The following DDX47 variants were observed in gnomAD, a reference collection of about 807,000 sequenced individuals.
The protein encoded by DDX47 is DEAD-box helicase 47.
DDX47 carries 60 observed loss-of-function variants against 58.8 expected under a neutral mutation model. The observed-to-expected ratio is 1.02, with a 90% CI of 0.83 to 1.26. DDX47 has a LOEUF of 1.26. Among genes scored for constraint, DDX47 ranks in the 50% most tolerant of loss-of-function variants. The pLI is 0.00. For synonymous variants in DDX47, 197 were observed against 204.6 expected, an observed-to-expected ratio of 0.96 and a Z score of 0.32; for missense variants, 530 against 573.2, an observed-to-expected ratio of 0.92 and a Z score of 0.77.
chr12:12,821,919 G>A (rs200830048), intron 4 of DDX47, 46 bp from the exon 5 acceptor site: 17 of 1,189,342 alleles, frequency 1.4e-5, no homozygotes, highest in African/African-American at 1.4e-4. Flanking sequence ...TTTTTTTTTT[G>A]TCCTGTTCTG....
At chr12:12,819,519 G>T (rs971567386) in intron 2 of DDX47, among the ~76,000 whole-genome samples, 1 of 152,090 alleles carries the variant, frequency 6.6e-6, no homozygotes, top group Non-Finnish European at 1.5e-5. Flanking sequence ...TCCCATGTCT[G>T]TTCTAACCCC....
chr12:12,827,291 G>A lies in DDX47; in HGVS notation c.1152G>A (p.Lys384=), dbSNP rs752112646. ...AGCGCATAGAACACTTAATTGGGAA[G>A]AAACTACCAGGTTTTCCAACACAGG... The part of the protein sequence containing the change: ...LFQRIEHLIG[K]KLPGFPTQDD... The change falls in exon 11 of 12, where the codon AAG becomes AAA. Residue 384 remains lysine, a synonymous_variant. Transcript: ENST00000358007. The A allele has an allele frequency of 1.2e-6, 2 of 1,614,192 alleles. No individual in the cohort carries two copies. Among genetic ancestry groups the A allele is most frequent in the Non-Finnish European group, 1.7e-6 (2 of 1,180,040 alleles).
At chr12:12,825,564 T>A (rs1283458137) in intron 9 of DDX47, among the ~76,000 whole-genome samples, 1 of 152,196 alleles carries the variant, frequency 6.6e-6, no homozygotes, top group Non-Finnish European at 1.5e-5. Flanking sequence ...CTCATTTGAT[T>A]TTCATAACAA....
chr12:12,825,652 G>T lies in DDX47; in HGVS notation c.1036-348G>T, dbSNP rs191770424. Among the ~76,000 whole-genome samples the T allele has an allele frequency of 3.9e-5, 6 of 152,284 alleles. No individual in the cohort carries two copies. In the East Asian group the frequency reaches 1.2e-3, roughly 29 times the overall value. On this transcript the variant is annotated intron_variant, in intron 9 of 11. Transcript: ENST00000358007. Reference sequence around the variant, plus strand: ...GTTCAGAGAGGTTATGTGATTTGCAGGTAATTGTGTAACTGGCAGATGGGA... The same window carrying T: ...GTTCAGAGAGGTTATGTGATTTGCATGTAATTGTGTAACTGGCAGATGGGA...
intron 11 of DDX47, among the ~76,000 whole-genome samples, chr12:12,828,856 TAC>T (rs1863091515): frequency 6.6e-6 from 1 of 152,240 alleles, no homozygotes; most frequent in Admixed American, 6.5e-5. Flanking sequence ...TTTCAACAAA[TAC>T]AGATTCATGT....
In DDX47 at chr12:12,827,149, A is replaced by G. The variant is rs1320689128; in HGVS notation, c.1107-97A>G. On this transcript the variant is annotated intron_variant, in intron 10 of 11. Transcript: ENST00000358007. ...AATATGTTCAATATTGTTTAAACCT[A>G]TGGTTCCTATTGCGTTGTATCATAT... 10 of 1,407,930 alleles carry G rather than the reference A, an allele frequency of 7.1e-6. 1 individual carries two copies. Among genetic ancestry groups the G allele is most frequent in the Middle Eastern group, 3.7e-4 (2 of 5,458 alleles). The allele number at this position is 1,407,930 out of a possible 1,614,324, so 87.2% of individuals were successfully genotyped here.
chr12:12,813,531 G>C, intron 1 of DDX47, 77 bp downstream of exon 1: 1 of 1,294,516 alleles, frequency 7.7e-7, no homozygotes, highest in Admixed American at 2.0e-5. Flanking sequence ...CTTAGATCCC[G>C]CTCTGATAGT....
chr12:12,827,452 T>A lies in DDX47; in HGVS notation c.1236+77T>A, dbSNP rs561210799. 35 of 1,483,208 alleles carry A rather than the reference T, an allele frequency of 2.4e-5. No homozygotes were observed. The East Asian group carries it at 7.5e-4, about 32-fold the overall frequency. 91.9% of individuals were successfully genotyped at this position (1,483,208 alleles called of 1,614,324 possible). ...TGCCACTTTATTATATTAACCCTCATACTAAACTGCAGAAGCTGGGTATTA... is the reference window on the plus strand; with the variant it reads ...TGCCACTTTATTATATTAACCCTCAAACTAAACTGCAGAAGCTGGGTATTA... On this transcript the variant is annotated intron_variant, in intron 11 of 11. Transcript: ENST00000358007.
At chr12:12,826,168 C>T in intron 10 of DDX47, 98 bp downstream of exon 10, 21 of 901,176 alleles carry the variant, frequency 2.3e-5, no homozygotes, top group Non-Finnish European at 3.4e-5. Flanking sequence ...CTACACTAAT[C>T]ACTTTCATAC....
chr12:12,824,064 G>A, intron 8 of DDX47, 48 bp downstream of exon 8: 4 of 1,586,516 alleles, frequency 2.5e-6, no homozygotes, highest in Non-Finnish European at 8.6e-7. Flanking sequence ...GCGTGAGCGA[G>A]ATAAACCTCC....
intron 8 of DDX47, 149 bp downstream of exon 8, chr12:12,824,165 A>G: frequency 2.0e-6 from 2 of 981,734 alleles, no homozygotes; most frequent in East Asian, 2.5e-5. Context: ...GTTGCTCTAG[A>G]TACTTACTTT....
chr12:12,827,379 T>C lies in DDX47; in HGVS notation c.1236+4T>C. The C allele has an allele frequency of 6.2e-7, 1 of 1,613,988 alleles. No individual in the cohort carries two copies. Among genetic ancestry groups the C allele is most frequent in the Non-Finnish European group, 8.5e-7 (1 of 1,179,958 alleles). On this transcript the variant is annotated splice_donor_region_variant and intron_variant, in intron 11 of 11. Transcript: ENST00000358007. Reference sequence around the variant, plus strand: ...AGCCCAAAGGTTTGCCCGAATGGTATGCATCTTTCTTTTCTCACCAGTGTC... The same window carrying C: ...AGCCCAAAGGTTTGCCCGAATGGTACGCATCTTTCTTTTCTCACCAGTGTC...
intron 10 of DDX47, among the ~76,000 whole-genome samples, chr12:12,826,648 T>A (rs1592325184): frequency 6.6e-6 from 1 of 152,138 alleles, no homozygotes; most frequent in East Asian, 1.9e-4. Flanking sequence ...TAGGGTTTTG[T>A]CATGTTGGCC....
intron 1 of DDX47, 61 bp downstream of exon 1, chr12:12,813,515 A>T: frequency 7.0e-7 from 1 of 1,422,338 alleles, no homozygotes; most frequent in Non-Finnish European, 9.7e-7. Flanking sequence ...GGGAGACCCC[A>T]GGTACCTTAG....
Position 12,825,800 on chromosome 12 carries a change from T to C in DDX47, c.1036-200T>C, listed in dbSNP as rs547427364. ...TCTGTCTGTGAAAGAAGGGAAAGCATTGGATCAATTTTGTGCTGCAAGGAG... is the reference window on the plus strand; with the variant it reads ...TCTGTCTGTGAAAGAAGGGAAAGCACTGGATCAATTTTGTGCTGCAAGGAG... On this transcript the variant is annotated intron_variant, in intron 9 of 11. Transcript: ENST00000358007. Among the ~76,000 whole-genome samples the C allele has an allele frequency of 3.2e-4, 49 of 152,328 alleles. No homozygotes were observed. In the South Asian group the frequency reaches 0.01, roughly 32 times the overall value.
At chr12:12,823,172 C>T (rs377653810) in intron 6 of DDX47, 31 bp from the exon 7 acceptor site, 1 of 1,316,742 alleles carries the variant, frequency 7.6e-7, no homozygotes, top group Non-Finnish European at 1.1e-6. Flanking sequence ...GTTTAGGCAT[C>T]AGTGTGCTAT....
intron 2 of DDX47, among the ~76,000 whole-genome samples, chr12:12,818,196 C>A (rs928414687): frequency 6.6e-6 from 1 of 152,128 alleles, no homozygotes; most frequent in African/African-American, 2.4e-5. Flanking sequence ...CATTTTATCC[C>A]TGGATTGTCA....
chr12:12,821,167 G>A (rs537553739), intron 2 of DDX47, 41 bp from the exon 3 acceptor site: 95 of 1,594,698 alleles, frequency 6.0e-5, no homozygotes, highest in Non-Finnish European at 6.9e-5. Context: ...CAGAAATAGC[G>A]CAAAGAGATT....
rs370161947 is a variant in DDX47 at position 12,816,486 on chromosome 12, A to T, written c.181+2262A>T. 2.8e-4 allele frequency among the ~76,000 whole-genome samples: 42 copies of T among 152,298 alleles called. No homozygotes were observed. The East Asian group carries it at 6.2e-3, about 22-fold the overall frequency. ...AGTATAATTTTTTGTCAATTAACAA[A>T]ACTGGGGGACAATAAAAAAGGAAAA... On this transcript the variant is annotated intron_variant, in intron 2 of 11. Transcript: ENST00000358007.
Sources: gnomAD v4.1 joint callset for allele counts (sites outside exome capture counted in the v4.1 genomes callset) on GRCh38, gnomAD v4.1.1 for gene constraint, MANE v1.5 for transcripts, NCBI Gene and HGNC (gene_info 2026-07-23, HGNC 2026-07-21) for gene names.